DRGX: variants seen among roughly 807,000 people sequenced by gnomAD.
DRGX encodes dorsal root ganglia homeobox protein.
In DRGX, 21 loss-of-function variants were observed where a neutral mutation model predicts 28.6. The observed-to-expected ratio is 0.73, with a 90% CI of 0.52 to 1.06. DRGX has a LOEUF of 1.06. Among genes scored for constraint, DRGX ranks in the 50% least tolerant of loss-of-function variants. The pLI is 0.00. For synonymous variants in DRGX, 136 were observed against 139.1 expected (o/e 0.98, Z 0.16); for missense variants, 354 against 343.9 (o/e 1.03, Z -0.23).
At chr10:49,374,662 A>T (rs1401059577) in intron 6 of DRGX, among the ~76,000 whole-genome samples, 2 of 152,242 alleles carry the variant, frequency 1.3e-5, no homozygotes, top group African/African-American at 4.8e-5. Flanking sequence ...CTTGGTCTGA[A>T]TATAAATACT....
chr10:49,371,512 C>T (rs997385016), intron 6 of DRGX, among the ~76,000 whole-genome samples: 6 of 152,102 alleles, frequency 3.9e-5, no homozygotes, highest in African/African-American at 1.4e-4. Flanking sequence ...AAAAAATTAG[C>T]CAGGTGTGGT....
intron 4 of DRGX, among the ~76,000 whole-genome samples, chr10:49,389,111 G>T (rs1009768846): frequency 5.9e-5 from 9 of 152,148 alleles, no homozygotes; most frequent in African/African-American, 1.7e-4. Context: ...GGCCAAAGGA[G>T]ATTTTCATTT....
rs114223689 is a variant in DRGX at position 49,394,432 on chromosome 10, C to T, written c.34+975G>A. 3.4e-3 allele frequency among the ~76,000 whole-genome samples: 511 copies of T among 152,312 alleles called. 3 individuals are homozygous for T. Among genetic ancestry groups the T allele is most frequent in the African/African-American group, 0.012 (495 of 41,560 alleles). On this transcript the variant is annotated intron_variant, in intron 2 of 6. Transcript: ENST00000374139. ...CAACTACTTGGCTTCCCAAATTCTC[C>T]CACCACAATAATAAATCAAACGAGT...
In DRGX at chr10:49,371,930, G is replaced by T. The variant is rs191267763; in HGVS notation, c.527-5549C>A. On this transcript the variant is annotated intron_variant, in intron 6 of 6. Transcript: ENST00000374139. ...CATAAGTTGTCTGATTTCCAAGACT[G>T]CCACAAACTAGAAAGAAATGTGACT... Among the ~76,000 whole-genome samples the T allele has an allele frequency of 2.0e-5, 3 of 152,208 alleles. No individual in the cohort carries two copies. In the East Asian group the frequency reaches 5.8e-4, roughly 29 times the overall value.
At chr10:49,391,831 A>C (rs1564710184) in intron 2 of DRGX, 1 of 523,932 alleles carries the variant, frequency 1.9e-6, no homozygotes, top group Admixed American at 2.0e-5. Context: ...ATGAATATTA[A>C]TTACCGTTGG....
chr10:49,366,243 T>C lies in DRGX; in HGVS notation c.665A>G (p.Gln222Arg), dbSNP rs1849598534. 6.2e-7 allele frequency: 1 copy of C among 1,613,954 alleles called. No individual in the cohort carries two copies. The highest frequency in any genetic ancestry group is 1.3e-5 in the African/African-American group (1 of 75,058). Residue 222 changes from glutamine to arginine, a missense_variant, in exon 7 of 7, where the codon CAG (glutamine) becomes CGG (arginine). Coordinates refer to ENST00000374139, the MANE Select transcript of DRGX (RefSeq NM_001276451.2). ...KAREHSEAVL[Q>R]SANLLPSTSS... is the part of the protein sequence containing the mutation. ...GGTGGAAGGCAGGAGGTTGGCTGAC[T>C]GCAGGACAGCTTCTGAGTGCTCGCG...
chr10:49,370,912 C>G (rs1035138408), intron 6 of DRGX, among the ~76,000 whole-genome samples: 6 of 152,146 alleles, frequency 3.9e-5, no homozygotes, highest in African/African-American at 1.4e-4. Flanking sequence ...AGAGGCAGAA[C>G]CTGCAGAAAA....
chr10:49,379,812 G>T (rs1023447643), intron 6 of DRGX, among the ~76,000 whole-genome samples: 1 of 152,184 alleles, frequency 6.6e-6, no homozygotes, highest in Non-Finnish European at 1.5e-5. Flanking sequence ...TGCACCACGC[G>T]GGGCACTTGA....
chr10:49,365,948 A>G lies in DRGX; in HGVS notation c.*168T>C. 1 of 735,980 alleles carries G rather than the reference A, an allele frequency of 1.4e-6. No individual in the cohort carries two copies. The highest frequency in any genetic ancestry group is 2.0e-6 in the Non-Finnish European group (1 of 500,138). The allele number at this position is 735,980 out of a possible 1,614,324, so 45.6% of individuals were successfully genotyped here. On this transcript the variant is annotated 3_prime_UTR_variant, in exon 7 of 7. Transcript: ENST00000374139. ...GCCGCACTGGTGGGACTCCAGAGGGACGCTCCAGGTGCCAAGGGAGCTGTG... is the reference window on the plus strand; with the variant it reads ...GCCGCACTGGTGGGACTCCAGAGGGGCGCTCCAGGTGCCAAGGGAGCTGTG...
intron 4 of DRGX, among the ~76,000 whole-genome samples, chr10:49,387,519 C>T (rs543956844): frequency 2.2e-4 from 34 of 152,016 alleles, no homozygotes; most frequent in African/African-American, 5.3e-4. Context: ...AAAAGTTAGA[C>T]GGGTGTGGTG....
chr10:49,391,837 G>C, intron 2 of DRGX: 1 of 524,882 alleles, frequency 1.9e-6, no homozygotes. Context: ...ATTAATTACC[G>C]TTGGTCACAG....
At chr10:49,374,466 G>C (rs574681659) in intron 6 of DRGX, among the ~76,000 whole-genome samples, 4 of 152,236 alleles carry the variant, frequency 2.6e-5, no homozygotes, top group Non-Finnish European at 5.9e-5. Flanking sequence ...TCCTCCCCCT[G>C]GCAGGCTTGT....
At chr10:49,390,947 G>T (rs1448420942) in intron 3 of DRGX, among the ~76,000 whole-genome samples, 1 of 152,206 alleles carries the variant, frequency 6.6e-6, no homozygotes, top group East Asian at 1.9e-4. Flanking sequence ...GGGAGAGAAC[G>T]TTGTTGCCTC....
At chr10:49,370,455 C>T (rs1849647532) in intron 6 of DRGX, among the ~76,000 whole-genome samples, 2 of 152,196 alleles carry the variant, frequency 1.3e-5, no homozygotes, top group Non-Finnish European at 2.9e-5. Context: ...GCCGTCGCTC[C>T]CTTTCCTCAT....
intron 6 of DRGX, among the ~76,000 whole-genome samples, chr10:49,371,206 G>A (rs563811023): frequency 2.6e-5 from 4 of 152,272 alleles, no homozygotes; most frequent in African/African-American, 7.2e-5. Context: ...TATGCCGCCT[G>A]CACAAACAAC....
At chr10:49,395,385 C>T (rs552914647) in intron 2 of DRGX, 22 bp downstream of exon 2, 3 of 1,548,566 alleles carry the variant, frequency 1.9e-6, no homozygotes, top group East Asian at 2.4e-5. Flanking sequence ...CATGGAGACC[C>T]TGGGGCGCAG....
At position 49,366,079 on chromosome 10, in the gene DRGX, G is replaced by C; in HGVS notation, c.*37C>G. On this transcript the variant is annotated 3_prime_UTR_variant, in exon 7 of 7. Transcript: ENST00000374139. ...GGGGCTGAGGCTGGGAGAAGGAGGGGCGGGGGAGGGCAGGCCGGGCGGGGC... is the reference window on the plus strand; with the variant it reads ...GGGGCTGAGGCTGGGAGAAGGAGGGCCGGGGGAGGGCAGGCCGGGCGGGGC... The C allele has an allele frequency of 1.3e-6, 2 of 1,511,082 alleles. No homozygotes were observed. Among genetic ancestry groups the C allele is most frequent in the Non-Finnish European group, 1.8e-6 (2 of 1,129,318 alleles). 93.6% of individuals were successfully genotyped at this position (1,511,082 alleles called of 1,614,324 possible).
chr10:49,371,797 A>AG (rs1849662400), intron 6 of DRGX, among the ~76,000 whole-genome samples: 1 of 150,810 alleles, frequency 6.6e-6, no homozygotes, highest in African/African-American at 2.4e-5. Flanking sequence ...ATCTCAAAAA[A>AG]AAAAAAAAAA....
intron 6 of DRGX, 74 bp downstream of exon 6, chr10:49,386,404 G>T: frequency 7.4e-7 from 1 of 1,355,244 alleles, no homozygotes; most frequent in Non-Finnish European, 9.9e-7. Flanking sequence ...GCCGAGCCAA[G>T]ACCCAGGCCG....
Sources: allele counts gnomAD v4.1 joint callset (sites outside exome capture counted in the v4.1 genomes callset), GRCh38; gene constraint gnomAD v4.1.1; transcripts MANE v1.5; gene names NCBI Gene and HGNC (gene_info 2026-07-23, HGNC 2026-07-21).